ZFHX3: variants seen among roughly 807,000 people sequenced by gnomAD.
The protein encoded by ZFHX3 is zinc finger homeobox protein 3.
In ZFHX3, 42 loss-of-function variants were observed where a neutral mutation model predicts 279.1. The observed-to-expected ratio is 0.15, with a 90% confidence interval of 0.12 to 0.19. ZFHX3 has a LOEUF of 0.19. Ranked by LOEUF, ZFHX3 falls within the 10% of genes least tolerant of loss-of-function variation. The pLI is 1.00. For synonymous variants in ZFHX3, 2,293 were observed against 1,957.8 expected, an observed-to-expected ratio of 1.17 and a Z score of -4.52; for missense variants, 4,981 against 4,754.0, an observed-to-expected ratio of 1.05 and a Z score of -1.40.
At chr16:73,624,798 G>A (rs909382172) in intron 2 of ZFHX3, among the ~76,000 whole-genome samples, 21 of 152,142 alleles carry the variant, frequency 1.4e-4, no homozygotes, top group South Asian at 4.1e-4. Context: ...ATGTGCCTCC[G>A]CTTTCCCTGA....
chr16:73,099,780 G>T (rs534240593), intron 7 of ZFHX3, among the ~76,000 whole-genome samples: 2 of 152,038 alleles, frequency 1.3e-5, no homozygotes, highest in Non-Finnish European at 2.9e-5. Context: ...GAACAGACGT[G>T]GGGTGGGAAG....
At chr16:73,143,669 TG>T in intron 6 of ZFHX3, 1 of 1,021,012 alleles carries the variant, frequency 9.8e-7, no homozygotes, top group Non-Finnish European at 1.4e-6. Flanking sequence ...TGTCCTTGTC[TG>T]GCTGGTTAGT....
chr16:73,496,189 C>A (rs1381141939), intron 2 of ZFHX3, among the ~76,000 whole-genome samples: 1 of 152,200 alleles, frequency 6.6e-6, no homozygotes. Context: ...AGCCCCTAGG[C>A]CCTGAAAACA....
rs886155613 is a variant in ZFHX3 at position 73,763,893 on chromosome 16, A to G, written c.-1607-83653T>C. On this transcript the variant is annotated intron_variant, in intron 1 of 17. Transcript: ENST00000641206. ...GCCATTAATTCTGCGACCAAAAGGA[A>G]ATGAATTCTGTGAACAACCAGGGGC... 9.3e-5 allele frequency among the ~76,000 whole-genome samples: 13 copies of G among 139,748 alleles called. No homozygotes were observed. The Admixed American group carries it at 9.3e-4, about 10-fold the overall frequency. 91.7% of individuals were successfully genotyped at this position (139,748 alleles called of 152,430 possible). A position where few individuals can be genotyped will look rare whatever the true frequency, so the allele number is the denominator to read the frequency against.
chr16:73,431,404 G>A (rs111742055), intron 3 of ZFHX3, among the ~76,000 whole-genome samples: 22 of 152,056 alleles, frequency 1.4e-4, no homozygotes, highest in African/African-American at 4.4e-4. Flanking sequence ...GCCGGGCTAT[G>A]GTGGCATGCA....
chr16:73,593,484 C>A (rs979489866), intron 2 of ZFHX3, among the ~76,000 whole-genome samples: 2 of 151,416 alleles, frequency 1.3e-5, no homozygotes, highest in African/African-American at 4.9e-5. Flanking sequence ...TTAATTACAG[C>A]TGACCCTCCA....
intron 4 of ZFHX3, among the ~76,000 whole-genome samples, chr16:73,287,793 T>C (rs919971068): frequency 4.0e-5 from 6 of 148,842 alleles, no homozygotes; most frequent in African/African-American, 9.9e-5. Context: ...TGTGGGTGTG[T>C]GGGTCAGTGT....
At chr16:72,805,397 T>G (rs1371055678) in intron 7 of ZFHX3, among the ~76,000 whole-genome samples, 2 of 152,174 alleles carry the variant, frequency 1.3e-5, no homozygotes, top group Admixed American at 6.5e-5. Context: ...CTATTCCAGG[T>G]GAAAGTATAG....
chr16:73,681,006 C>G (rs1474424236), intron 1 of ZFHX3, among the ~76,000 whole-genome samples: 1 of 152,100 alleles, frequency 6.6e-6, no homozygotes, highest in Non-Finnish European at 1.5e-5. Context: ...AGAATAGCAC[C>G]AGCACAAACT....
intron 3 of ZFHX3, among the ~76,000 whole-genome samples, chr16:73,443,501 C>T (rs572173591): frequency 1.2e-3 from 182 of 152,192 alleles, no homozygotes; most frequent in Non-Finnish European, 2.3e-3. Context: ...TGGAGATCCA[C>T]GGTGATCATT....
intron 2 of ZFHX3, among the ~76,000 whole-genome samples, chr16:73,478,387 G>T (rs142679957): frequency 1.3e-5 from 2 of 151,902 alleles, no homozygotes; most frequent in African/African-American, 4.8e-5. Context: ...GAGCTATCCA[G>T]GCTTCTTCCC....
At chr16:72,907,145 C>G (rs934268184) in intron 3 of ZFHX3, among the ~76,000 whole-genome samples, 1 of 152,160 alleles carries the variant, frequency 6.6e-6, no homozygotes, top group Non-Finnish European at 1.5e-5. Flanking sequence ...TCTATGGACG[C>G]TTTTATATTA....
intron 4 of ZFHX3, among the ~76,000 whole-genome samples, chr16:72,882,859 C>G (rs1217077675): frequency 6.6e-6 from 1 of 152,032 alleles, no homozygotes; most frequent in East Asian, 1.9e-4. Flanking sequence ...AACTTAGAAG[C>G]AATAGCGTCT....
chr16:73,114,179 C>G (rs896986373), intron 7 of ZFHX3, among the ~76,000 whole-genome samples: 6 of 151,780 alleles, frequency 4.0e-5, no homozygotes, highest in African/African-American at 1.5e-4. Context: ...CCCACTTCAA[C>G]CTCCCAAAGT....
At chr16:73,397,602 G>C (rs1423671985) in intron 3 of ZFHX3, among the ~76,000 whole-genome samples, 1 of 152,170 alleles carries the variant, frequency 6.6e-6, no homozygotes, top group Admixed American at 6.5e-5. Flanking sequence ...AGACAGAATG[G>C]CAGTGGTTCA....
At chr16:73,710,882 G>C (rs2053355866) in intron 1 of ZFHX3, among the ~76,000 whole-genome samples, 1 of 152,128 alleles carries the variant, frequency 6.6e-6, no homozygotes, top group Admixed American at 6.5e-5. Flanking sequence ...TGGCCGTGCT[G>C]AGGGTCTCCA....
intron 1 of ZFHX3, among the ~76,000 whole-genome samples, chr16:73,037,641 C>T (rs768145630): frequency 9.2e-5 from 14 of 152,088 alleles, no homozygotes; most frequent in South Asian, 2.1e-4. Flanking sequence ...GCACTTCAGG[C>T]TCCTGGAAAC....
At chr16:73,788,034 C>T (rs557329786) in intron 1 of ZFHX3, among the ~76,000 whole-genome samples, 1 of 152,068 alleles carries the variant, frequency 6.6e-6, no homozygotes, top group Admixed American at 6.6e-5. Context: ...CCAGAAGGAA[C>T]AGTGGAGCAC....
intron 2 of ZFHX3, among the ~76,000 whole-genome samples, chr16:73,523,308 T>C (rs979775634): frequency 6.6e-6 from 1 of 152,198 alleles, no homozygotes; most frequent in African/African-American, 2.4e-5. Context: ...CTCTTCCCAC[T>C]CCAATTTCAG....
Sources: gnomAD v4.1 joint callset for allele counts (sites outside exome capture counted in the v4.1 genomes callset) on GRCh38, gnomAD v4.1.1 for gene constraint, MANE v1.5 for transcripts, NCBI Gene and HGNC (gene_info 2026-07-23, HGNC 2026-07-21) for gene names.